Variants in DHX40 observed in about 807,000 individuals in gnomAD.
DHX40 encodes DEAH-box helicase 40.
A neutral mutation model predicts 89.6 loss-of-function variants in DHX40; 28 were observed. The observed-to-expected ratio is 0.31, with a 90% CI of 0.23 to 0.43. The LOEUF is 0.43. Ranked by LOEUF, DHX40 falls within the 20% of genes least tolerant of loss-of-function variation. The probability of loss-of-function intolerance (pLI) is 1.00; values close to 1 mark genes in which losing one functional copy is unlikely to be tolerated. For synonymous variants in DHX40, 226 were observed against 283.6 expected, an observed-to-expected ratio of 0.80 and a Z score of 2.04; for missense variants, 457 against 844.0, an observed-to-expected ratio of 0.54 and a Z score of 5.68.
chr17:59,577,902 C>T (rs2048907497), intron 8 of DHX40, among the ~76,000 whole-genome samples: 1 of 152,068 alleles, frequency 6.6e-6, no homozygotes, highest in African/African-American at 2.4e-5. Flanking sequence ...TTGATATTTC[C>T]TTCTACCTTG....
intron 3 of DHX40, among the ~76,000 whole-genome samples, 156 bp downstream of exon 3, chr17:59,570,819 A>C (rs58077324): frequency 0.015 from 2,320 of 152,282 alleles, 54 homozygotes; most frequent in African/African-American, 0.052. Flanking sequence ...GGTAGCTGGG[A>C]CTACAGGAGC....
Position 59,566,610 on chromosome 17 carries a change from T to G in DHX40, c.113-17T>G. Reference sequence around the variant, plus strand: ...CTTTACAAGTCTTTTAATTGACTTGTTTTTCTGTTATTACAGAAGAGAAAG... The same window carrying G: ...CTTTACAAGTCTTTTAATTGACTTGGTTTTCTGTTATTACAGAAGAGAAAG... On this transcript the variant is annotated splice_polypyrimidine_tract_variant and intron_variant, in intron 1 of 17. Transcript: ENST00000251241. 6.4e-7 allele frequency: 1 copy of G among 1,565,060 alleles called. No individual in the cohort carries two copies. The highest frequency in any genetic ancestry group is 8.6e-7 in the Non-Finnish European group (1 of 1,164,790).
intron 15 of DHX40, 139 bp downstream of exon 15, chr17:59,602,755 A>G: frequency 2.6e-6 from 2 of 763,398 alleles, no homozygotes; most frequent in South Asian, 2.2e-5. Flanking sequence ...GACGAGGGAG[A>G]GCTACAGTGA....
chr17:59,571,579 CT>C (rs1173975931), intron 3 of DHX40, among the ~76,000 whole-genome samples: 1 of 151,750 alleles, frequency 6.6e-6, no homozygotes, highest in African/African-American at 2.4e-5. Context: ...CTCCCTCCCC[CT>C]AGCCTCTGGT....
At position 59,570,186 on chromosome 17, in the gene DHX40, A is replaced by C. The variant is rs1412010604; in HGVS notation, c.281-332A>C. Among the ~76,000 whole-genome samples, 3 of 123,024 alleles carry C rather than the reference A, an allele frequency of 2.4e-5. No homozygotes were observed. In the South Asian group the frequency reaches 6.5e-4, roughly 27 times the overall value. 80.7% of individuals were successfully genotyped at this position (123,024 alleles called of 152,430 possible). On this transcript the variant is annotated intron_variant, in intron 2 of 17. Transcript: ENST00000251241. ...TAATATGTTATATATTAATATATAT[A>C]ATATATAATATATTATAATATATAT...
rs781559692 is a variant in DHX40 at position 59,565,771 on chromosome 17, A to G, written c.100A>G (p.Ile34Val). The change falls in exon 1 of 18, where the codon ATC (isoleucine) becomes GTC (valine). Residue 34 changes from isoleucine to valine, a missense_variant. Physicochemically the swap from Ile to Val is conservative, Grantham distance 29. Around this residue, in one of 9 missense-constraint regions of DHX40, gnomAD observed 75 missense variants for 76.8 expected, o/e 0.98. Coordinates refer to ENST00000251241, the MANE Select transcript of DHX40 (RefSeq NM_024612.5). ...GGAAGAGCGGCTCTCGGCTGTTTGC[A>G]TCGCCGATAGAGGTGCGGTCCGCGG... ...LQEERLSAVC[I>V]ADREEKGCTS... 1.2e-4 allele frequency: 198 copies of G among 1,602,244 alleles called. 1 individual carries two copies. Among genetic ancestry groups the G allele is most frequent in the African/African-American group, 1.3e-5 (1 of 74,676 alleles).
At chr17:59,576,529 G>C (rs1197183153) in intron 7 of DHX40, among the ~76,000 whole-genome samples, 1 of 152,116 alleles carries the variant, frequency 6.6e-6, no homozygotes, top group Non-Finnish European at 1.5e-5. Context: ...TGGAATATAT[G>C]TGTCAGTAAA....
intron 2 of DHX40, 143 bp downstream of exon 2, chr17:59,566,937 C>T (rs2048713906): frequency 1.5e-6 from 1 of 681,494 alleles, no homozygotes; most frequent in South Asian, 3.1e-5. Flanking sequence ...CCCTATGTCT[C>T]CTTTGCTTCT....
chr17:59,608,182 G>A lies in DHX40; in HGVS notation c.*1010G>A, dbSNP rs545854998. Reference sequence around the variant, plus strand: ...CTCTTGTTTACTGCCTTGTATTCTAGTTATTTGTGTATTTGTCTCCCTCAC... The same window carrying A: ...CTCTTGTTTACTGCCTTGTATTCTAATTATTTGTGTATTTGTCTCCCTCAC... On this transcript the variant is annotated 3_prime_UTR_variant, in exon 18 of 18. Coordinates refer to ENST00000251241, the MANE Select transcript of DHX40 (RefSeq NM_024612.5). 4 of 154,460 alleles carry A rather than the reference G, an allele frequency of 2.6e-5. No individual in the cohort carries two copies. In the South Asian group the frequency reaches 6.1e-4, roughly 24 times the overall value. The allele number at this position is 154,460 out of a possible 1,614,324, so 9.6% of individuals were successfully genotyped here. A position where few individuals can be genotyped will look rare whatever the true frequency, so the allele number is the denominator to read the frequency against.
At chr17:59,583,676 G>C (rs868512333) in intron 10 of DHX40, among the ~76,000 whole-genome samples, 5,878 of 129,208 alleles carry the variant, frequency 0.045, 14 homozygotes, top group African/African-American at 0.14. Context: ...GTCAGGAGAT[G>C]GAGATCATCC....
chr17:59,574,969 G>A (rs2048860621), intron 6 of DHX40, among the ~76,000 whole-genome samples: 1 of 152,170 alleles, frequency 6.6e-6, no homozygotes. Flanking sequence ...AGAAGTGAGG[G>A]ATTGTCACAA....
intron 2 of DHX40, among the ~76,000 whole-genome samples, chr17:59,567,583 T>G (rs911508178): frequency 5.3e-5 from 8 of 152,194 alleles, no homozygotes; most frequent in Non-Finnish European, 8.8e-5. Flanking sequence ...GATTCTATTT[T>G]ATGAGACGAT....
chr17:59,577,692 A>G (rs935299472), intron 8 of DHX40, among the ~76,000 whole-genome samples: 17 of 151,996 alleles, frequency 1.1e-4, no homozygotes, highest in African/African-American at 2.7e-4. Context: ...AGATCAGCCA[A>G]TCCTCCCGCC....
intron 10 of DHX40, among the ~76,000 whole-genome samples, chr17:59,581,510 C>T (rs984651848): frequency 2.1e-5 from 1 of 48,146 alleles, no homozygotes; most frequent in African/African-American, 1.3e-4. Flanking sequence ...TGCGGTGGCT[C>T]ACGCCTGTAA....
At chr17:59,588,964 C>G (rs922552931) in intron 12 of DHX40, among the ~76,000 whole-genome samples, 1 of 152,090 alleles carries the variant, frequency 6.6e-6, no homozygotes, top group Non-Finnish European at 1.5e-5. Context: ...AATGCCTTCG[C>G]TTCTTTGTTA....
chr17:59,575,294 A>G (rs1598144942), intron 6 of DHX40, 46 bp from the exon 7 acceptor site: 1 of 1,406,770 alleles, frequency 7.1e-7, no homozygotes, highest in Non-Finnish European at 9.6e-7. Flanking sequence ...TTTTAAATTA[A>G]TTTTTCTGTT....
At chr17:59,589,267 G>A (rs1330809694) in intron 12 of DHX40, among the ~76,000 whole-genome samples, 2 of 144,794 alleles carry the variant, frequency 1.4e-5, no homozygotes, top group Non-Finnish European at 3.0e-5. Context: ...TGTCACCCGG[G>A]CTGGAGTGCA....
intron 2 of DHX40, 40 bp from the exon 3 acceptor site, chr17:59,570,478 T>C: frequency 6.4e-7 from 1 of 1,556,928 alleles, no homozygotes. Context: ...GGAAGACAAT[T>C]GCTAACATTG....
intron 2 of DHX40, among the ~76,000 whole-genome samples, 185 bp downstream of exon 2, chr17:59,566,979 G>C (rs2048714515): frequency 6.6e-6 from 1 of 151,998 alleles, no homozygotes. Context: ...AGAATTAGTT[G>C]GGATGGCAAA....
Sources: allele counts gnomAD v4.1 joint callset (sites outside exome capture counted in the v4.1 genomes callset), GRCh38; gene constraint gnomAD v4.1.1; regional missense constraint gnomAD v4.1.1; transcripts MANE v1.5; gene names NCBI Gene and HGNC (gene_info 2026-07-23, HGNC 2026-07-21).